The following ENPP1 variants were observed in gnomAD, a reference collection of about 807,000 sequenced individuals.
The protein encoded by ENPP1 is ectonucleotide pyrophosphatase/phosphodiesterase 1.
Under a neutral mutation model 122.8 loss-of-function variants are expected in ENPP1, and 73 were observed. That is an observed-to-expected ratio of 0.59 (90% CI 0.49 to 0.72). ENPP1 has a LOEUF of 0.72. ENPP1 is among the 30% of genes least tolerant of loss of function. The probability of loss-of-function intolerance (pLI) is 0.00; values close to 1 mark genes in which losing one functional copy is unlikely to be tolerated. For synonymous variants in ENPP1, 367 were observed against 391.6 expected (o/e 0.94, Z 0.74); for missense variants, 978 against 1,128.1 (o/e 0.87, Z 1.91).
chr6:131,839,246 C>T (rs184937070), intron 1 of ENPP1, among the ~76,000 whole-genome samples: 6 of 152,146 alleles, frequency 3.9e-5, no homozygotes, highest in Non-Finnish European at 5.9e-5. Flanking sequence ...TTTTGAATCC[C>T]ATTGAATATA....
intron 1 of ENPP1, among the ~76,000 whole-genome samples, chr6:131,810,062 A>G (rs1032734318): frequency 6.6e-6 from 1 of 152,192 alleles, no homozygotes; most frequent in Non-Finnish European, 1.5e-5. Flanking sequence ...ATTAACATAC[A>G]AATGTTACCA....
At chr6:131,851,796 C>T (rs6919751) in intron 4 of ENPP1, among the ~76,000 whole-genome samples, 45,532 of 151,894 alleles carry the variant, frequency 0.3, 11,186 homozygotes, top group African/African-American at 0.68. Context: ...TTGACAGAAC[C>T]TGACTCTATA....
At chr6:131,890,010 A>G (rs994972648) in intron 24 of ENPP1, among the ~76,000 whole-genome samples, 1 of 151,084 alleles carries the variant, frequency 6.6e-6, no homozygotes, top group African/African-American at 2.4e-5. Context: ...TACATTATTC[A>G]GATATTCTTT....
At position 131,869,272 on chromosome 6, in the gene ENPP1, A is replaced by T; in HGVS notation, c.1274-86A>T. On this transcript the variant is annotated intron_variant, in intron 12 of 24. Coordinates refer to ENST00000647893, the MANE Select transcript of ENPP1 (RefSeq NM_006208.3). Reference sequence around the variant, plus strand: ...GCTACACCCATGTTTAACGAATTTAACCTTGGAAGTGAAAGAAGTTCTGCT... The same window carrying T: ...GCTACACCCATGTTTAACGAATTTATCCTTGGAAGTGAAAGAAGTTCTGCT... The T allele has an allele frequency of 2.2e-6, 3 of 1,355,478 alleles. No homozygotes were observed. The South Asian group carries it at 3.6e-5, about 16-fold the overall frequency. 84.0% of individuals were successfully genotyped at this position (1,355,478 alleles called of 1,614,324 possible).
intron 1 of ENPP1, among the ~76,000 whole-genome samples, chr6:131,847,417 A>G (rs938791554): frequency 1.3e-5 from 2 of 152,244 alleles, no homozygotes; most frequent in African/African-American, 4.8e-5. Flanking sequence ...TACAAATCAC[A>G]AGTGTATAGT....
intron 1 of ENPP1, among the ~76,000 whole-genome samples, chr6:131,813,478 C>G (rs566693640): frequency 3.3e-5 from 5 of 151,206 alleles, no homozygotes; most frequent in African/African-American, 1.2e-4. Flanking sequence ...TGCAGTGAGC[C>G]GAGATTGCAC....
intron 1 of ENPP1, among the ~76,000 whole-genome samples, chr6:131,846,614 C>T (rs1200007332): frequency 6.6e-6 from 1 of 152,198 alleles, no homozygotes; most frequent in Non-Finnish European, 1.5e-5. Flanking sequence ...TTTGTAGGGC[C>T]TACCAAATAT....
chr6:131,890,394 AC>A lies in ENPP1; in HGVS notation c.2662del (p.Arg888GlyfsTer25), dbSNP rs775318459. 1 of 1,613,526 alleles carries A rather than the reference AC, an allele frequency of 6.2e-7. No homozygotes were observed. Among genetic ancestry groups the A allele is most frequent in the South Asian group, 1.1e-5 (1 of 91,076 alleles). On this transcript the variant is annotated frameshift_variant, in exon 25 of 25. Transcript: ENST00000647893. LOFTEE classifies it high-confidence loss of function. ...VEELLMLHRA[R>X]ITDVEHITGL... ...AAGAATTGTTAATGTTACACAGAGC[AC>A]GGATCACAGATGTTGAGCACATCAC...
chr6:131,823,049 C>T (rs900800940), intron 1 of ENPP1, among the ~76,000 whole-genome samples: 1 of 152,194 alleles, frequency 6.6e-6, no homozygotes, highest in African/African-American at 2.4e-5. Flanking sequence ...ATGTAGGGCT[C>T]ACCATGAATA....
At chr6:131,827,004 G>T in intron 1 of ENPP1, 1 of 497,950 alleles carries the variant, frequency 2.0e-6, no homozygotes, top group Admixed American at 2.8e-5. Flanking sequence ...TACTACCAGA[G>T]ATGAATGGTC....
chr6:131,883,379 A>G (rs1355412154), intron 21 of ENPP1, among the ~76,000 whole-genome samples: 1 of 152,260 alleles, frequency 6.6e-6, no homozygotes, highest in Non-Finnish European at 1.5e-5. Context: ...GTGTAAGGAA[A>G]GAAGATTGTC....
chr6:131,874,578 T>C (rs940219847), intron 16 of ENPP1, among the ~76,000 whole-genome samples: 2 of 152,138 alleles, frequency 1.3e-5, no homozygotes, highest in African/African-American at 4.8e-5. Flanking sequence ...GGAACACTTA[T>C]ACACTGTCAA....
At chr6:131,825,301 T>A (rs188261087) in intron 1 of ENPP1, among the ~76,000 whole-genome samples, 143 of 152,236 alleles carry the variant, frequency 9.4e-4, no homozygotes, top group African/African-American at 3.2e-3. Context: ...TGTCTTTTTG[T>A]TGTTGTTGTT....
intron 1 of ENPP1, chr6:131,826,700 C>G: frequency 1.6e-6 from 1 of 607,464 alleles, no homozygotes; most frequent in Non-Finnish European, 2.8e-6. Context: ...AGGGACAATT[C>G]TTCAGTGAAG....
In ENPP1 at chr6:131,876,975, A is replaced by G. The variant is rs375251134; in HGVS notation, c.1724-17A>G. 6.8e-6 allele frequency: 11 copies of G among 1,612,456 alleles called. No individual in the cohort carries two copies. In the African/African-American group the frequency reaches 9.3e-5, roughly 14 times the overall value. ...TTTGAAACATCTAAGTAACTCTACCATCTTGAAATTATGCAGATTTACTGA... is the reference window on the plus strand; with the variant it reads ...TTTGAAACATCTAAGTAACTCTACCGTCTTGAAATTATGCAGATTTACTGA... On this transcript the variant is annotated splice_polypyrimidine_tract_variant and intron_variant, in intron 17 of 24. Coordinates refer to ENST00000647893, the MANE Select transcript of ENPP1 (RefSeq NM_006208.3).
intron 24 of ENPP1, among the ~76,000 whole-genome samples, chr6:131,887,683 C>G (rs866713561): frequency 2.0e-5 from 3 of 149,588 alleles, no homozygotes; most frequent in Middle Eastern, 6.9e-3. Context: ...CTCAGCCTCC[C>G]GAGTAGCTGG....
chr6:131,854,573 C>T (rs1781921660), intron 5 of ENPP1, among the ~76,000 whole-genome samples: 1 of 151,678 alleles, frequency 6.6e-6, no homozygotes, highest in African/African-American at 2.4e-5. Context: ...GTTTATTTTC[C>T]TGCAAATTGG....
intron 18 of ENPP1, chr6:131,877,899 A>ATATATATATATATATATATATG (rs1782256240): frequency 8.1e-6 from 1 of 123,200 alleles, no homozygotes; most frequent in Admixed American, 8.7e-5. Context: ...ATATATATAT[A>ATATATATATATATATATATATG]GCAATTTGGA....
chr6:131,875,511 A>T (rs1046161553), intron 16 of ENPP1, among the ~76,000 whole-genome samples: 4 of 151,874 alleles, frequency 2.6e-5, no homozygotes, highest in African/African-American at 9.7e-5. Flanking sequence ...CATGTCATAG[A>T]TGAAAAAAAA....
Sources: gnomAD v4.1 joint callset for allele counts (sites outside exome capture counted in the v4.1 genomes callset) on GRCh38, gnomAD v4.1.1 for gene constraint, MANE v1.5 for transcripts, NCBI Gene and HGNC (gene_info 2026-07-23, HGNC 2026-07-21) for gene names.